PXDNL: variants seen among roughly 807,000 people sequenced by gnomAD.
The protein encoded by PXDNL is peroxidasin like, also known as probable oxidoreductase PXDNL.
In PXDNL, 145 loss-of-function variants were observed where a neutral mutation model predicts 150.8. That is an observed-to-expected ratio of 0.96 (90% confidence interval 0.84 to 1.10). PXDNL has a LOEUF of 1.10. Among genes scored for constraint, PXDNL ranks in the 50% least tolerant of loss-of-function variants. The pLI is 0.00. For synonymous variants in PXDNL, 757 were observed against 725.7 expected (o/e 1.04, Z -0.69); for missense variants, 2,087 against 1,873.9 (o/e 1.11, Z -2.10).
intron 12 of PXDNL, among the ~76,000 whole-genome samples, chr8:51,445,414 G>T (rs1488633048): frequency 2.0e-5 from 3 of 152,132 alleles, no homozygotes; most frequent in African/African-American, 4.8e-5. Flanking sequence ...ACACTTGTTT[G>T]CTTCCATATT....
Position 51,408,686 on chromosome 8 carries a change from T to A in PXDNL, c.2938A>T (p.Arg980Trp). The A allele has an allele frequency of 6.3e-7, 1 of 1,596,210 alleles. No homozygotes were observed. The highest frequency in any genetic ancestry group is 8.5e-7 in the Non-Finnish European group (1 of 1,171,084). Residue 980 changes from arginine (R) to tryptophan (W), a missense_variant, in exon 17 of 23, where the codon AGG becomes TGG. By Grantham distance (101) the Arg-to-Trp change is moderately radical. Coordinates refer to ENST00000356297, the MANE Select transcript of PXDNL (RefSeq NM_144651.5). ...MHTLWFREHN[R>W]MATELSALNP... ...AGGGCGGACAGCTCCGTGGCCATCCTGTTGTGTTCCCGGAACCACAGGGTG... is the reference window on the plus strand; with the variant it reads ...AGGGCGGACAGCTCCGTGGCCATCCAGTTGTGTTCCCGGAACCACAGGGTG...
intron 2 of PXDNL, among the ~76,000 whole-genome samples, chr8:51,619,074 CAA>C (rs1316452599): frequency 6.6e-6 from 1 of 152,122 alleles, no homozygotes; most frequent in East Asian, 1.9e-4. Context: ...GCCTCAGAAG[CAA>C]AGTCTCTCTC....
intron 1 of PXDNL, among the ~76,000 whole-genome samples, chr8:51,746,906 A>C (rs2036989546): frequency 6.6e-6 from 1 of 151,734 alleles, no homozygotes; most frequent in Middle Eastern, 3.2e-3. Flanking sequence ...ATTTTTTTGT[A>C]GAGACAGGGT....
intron 2 of PXDNL, among the ~76,000 whole-genome samples, chr8:51,636,923 C>G (rs1287440497): frequency 7.8e-6 from 1 of 127,858 alleles, no homozygotes; most frequent in East Asian, 2.2e-4. Flanking sequence ...CCAGAGTAGC[C>G]TAACTGGGAG....
chr8:51,381,284 C>A (rs1226396086), intron 17 of PXDNL, among the ~76,000 whole-genome samples: 3 of 152,064 alleles, frequency 2.0e-5, no homozygotes, highest in Non-Finnish European at 4.4e-5. Flanking sequence ...CTCTTCTTTC[C>A]CACTTAGGTC....
intron 1 of PXDNL, among the ~76,000 whole-genome samples, chr8:51,659,679 C>T (rs1273915542): frequency 1.3e-5 from 2 of 152,164 alleles, no homozygotes; most frequent in Middle Eastern, 3.4e-3. Flanking sequence ...AGTTACACCA[C>T]ATGGATGTGC....
intron 21 of PXDNL, among the ~76,000 whole-genome samples, chr8:51,337,435 T>C (rs1038712857): frequency 1.3e-5 from 2 of 152,228 alleles, no homozygotes; most frequent in African/African-American, 4.8e-5. Context: ...TTACAACATC[T>C]CTTCCCTGAT....
At chr8:51,346,614 T>C (rs1806167242) in intron 19 of PXDNL, among the ~76,000 whole-genome samples, 1 of 152,134 alleles carries the variant, frequency 6.6e-6, no homozygotes, top group Non-Finnish European at 1.5e-5. Flanking sequence ...GTGGGAGGTA[T>C]CTGGATGTGG....
chr8:51,459,090 C>T lies in PXDNL; in HGVS notation c.813-1423G>A, dbSNP rs141109870. Among the ~76,000 whole-genome samples the T allele has an allele frequency of 1.0e-3, 153 of 152,260 alleles. 1 individual carries two copies. Among genetic ancestry groups the T allele is most frequent in the African/African-American group, 3.4e-3 (140 of 41,546 alleles). ...ACTGGATGCTCCTATCCATATCACC[C>T]GTGAAGTTTCTCAGTGTAAGTAGCA... On this transcript the variant is annotated intron_variant, in intron 8 of 22. Coordinates refer to ENST00000356297, the MANE Select transcript of PXDNL (RefSeq NM_144651.5).
intron 1 of PXDNL, among the ~76,000 whole-genome samples, chr8:51,695,859 T>C (rs753013051): frequency 1.3e-5 from 2 of 152,248 alleles, no homozygotes; most frequent in Admixed American, 6.5e-5. Context: ...TCTAACTCCA[T>C]GCTCCCTCGA....
intron 3 of PXDNL, among the ~76,000 whole-genome samples, chr8:51,574,336 G>C (rs1049647711): frequency 5.3e-5 from 8 of 151,946 alleles, no homozygotes; most frequent in African/African-American, 1.7e-4. Context: ...AAGTGCACTT[G>C]ATGAAGAGCA....
Position 51,408,950 on chromosome 8 carries a change from C to T in PXDNL, c.2674G>A (p.Ala892Thr), listed in dbSNP as rs1166542383. Residue 892 changes from alanine (A) to threonine (T), a missense_variant, in exon 17 of 23, where the codon GCC becomes ACC. Physicochemically the swap from Ala to Thr is moderately conservative, Grantham distance 58. Transcript: ENST00000356297. Reference protein sequence around the residue: ...YAREQINQQTAYIDGSNVYGS... With the variant: ...YAREQINQQTTYIDGSNVYGS... ...TAAACGTTGGAGCCATCGATGTAGG[C>T]TGTTTGCTGGTTGATCTGCTCTCGT... 2.3e-5 allele frequency: 37 copies of T among 1,612,662 alleles called. No individual in the cohort carries two copies. Among genetic ancestry groups the T allele is most frequent in the Non-Finnish European group, 3.1e-5 (36 of 1,179,816 alleles).
chr8:51,777,748 C>A (rs1477487987), intron 1 of PXDNL, among the ~76,000 whole-genome samples: 1 of 151,986 alleles, frequency 6.6e-6, no homozygotes, highest in Non-Finnish European at 1.5e-5. Flanking sequence ...ACTAAAAATA[C>A]AAAAATTAGC....
At chr8:51,764,257 C>G (rs909591826) in intron 1 of PXDNL, among the ~76,000 whole-genome samples, 24 of 151,700 alleles carry the variant, frequency 1.6e-4, no homozygotes, top group African/African-American at 5.6e-4. Context: ...AAAGAGCAAG[C>G]TTTTTTGGTT....
chr8:51,615,748 C>T (rs1175727177), intron 2 of PXDNL, among the ~76,000 whole-genome samples: 1 of 152,194 alleles, frequency 6.6e-6, no homozygotes, highest in African/African-American at 2.4e-5. Flanking sequence ...TGAAATAACA[C>T]ATTTACAATT....
At chr8:51,731,543 G>T (rs185397345) in intron 1 of PXDNL, among the ~76,000 whole-genome samples, 2 of 152,342 alleles carry the variant, frequency 1.3e-5, no homozygotes, top group Non-Finnish European at 2.9e-5. Flanking sequence ...TCCGGAGGAC[G>T]GTGGCCCTCT....
intron 2 of PXDNL, 34 bp downstream of exon 2, chr8:51,654,655 T>A (rs1446174550): frequency 6.5e-7 from 1 of 1,537,392 alleles, no homozygotes; most frequent in East Asian, 2.2e-5. Flanking sequence ...GCATATAATT[T>A]TAGGAACCTT....
chr8:51,787,290 A>T (rs190135891), intron 1 of PXDNL, among the ~76,000 whole-genome samples: 18 of 152,324 alleles, frequency 1.2e-4, no homozygotes, highest in Admixed American at 1.1e-3. Flanking sequence ...TATGAAATAC[A>T]TTTCTTATGG....
intron 17 of PXDNL, among the ~76,000 whole-genome samples, chr8:51,396,157 G>A (rs750231749): frequency 2.6e-4 from 40 of 151,856 alleles, no homozygotes; most frequent in Non-Finnish European, 5.3e-4. Context: ...GAGAAGAAAG[G>A]GATGGGCTAG....
Sources: gnomAD v4.1 joint callset for allele counts (sites outside exome capture counted in the v4.1 genomes callset) on GRCh38, gnomAD v4.1.1 for gene constraint, MANE v1.5 for transcripts, NCBI Gene and HGNC (gene_info 2026-07-23, HGNC 2026-07-21) for gene names.